The following MAP2K1 variants were observed in gnomAD, a reference collection of about 807,000 sequenced individuals.
MAP2K1 encodes the protein dual specificity mitogen-activated protein kinase kinase 1.
A neutral mutation model predicts 46.3 loss-of-function variants in MAP2K1; 16 were observed. That is an observed-to-expected ratio of 0.35 (90% CI 0.23 to 0.52). The LOEUF (loss-of-function observed/expected upper bound fraction) is 0.52. MAP2K1 is among the 20% of genes least tolerant of loss of function. MAP2K1 has a pLI of 0.94. For synonymous variants in MAP2K1, 183 were observed against 185.6 expected (o/e 0.99, Z 0.11); for missense variants, 263 against 497.1 (o/e 0.53, Z 4.48).
intron 5 of MAP2K1, among the ~76,000 whole-genome samples, chr15:66,458,462 T>C (rs565780609): frequency 1.1e-4 from 17 of 152,350 alleles, no homozygotes; most frequent in Non-Finnish European, 2.4e-4. Context: ...AATGAAACCA[T>C]GTGTAACCTA....
chr15:66,391,169 G>C (rs1300301861), intron 1 of MAP2K1, among the ~76,000 whole-genome samples: 1 of 151,752 alleles, frequency 6.6e-6, no homozygotes, highest in Non-Finnish European at 1.5e-5. Context: ...TGGGACTATA[G>C]GTGGGTACTA....
chr15:66,490,207 C>T, intron 10 of MAP2K1: 1 of 555,896 alleles, frequency 1.8e-6, no homozygotes, highest in Non-Finnish European at 3.2e-6. Context: ...CTAAGTCCAT[C>T]ATTTTCTTTG....
At chr15:66,484,936 G>C in intron 6 of MAP2K1, 54 bp from the exon 7 acceptor site, 1 of 1,440,622 alleles carries the variant, frequency 6.9e-7, no homozygotes, top group South Asian at 1.1e-5. Flanking sequence ...TGCATTAGCA[G>C]ACCCAGGGGT....
chr15:66,481,257 ATGC>A (rs912136385), intron 5 of MAP2K1, among the ~76,000 whole-genome samples: 2 of 152,070 alleles, frequency 1.3e-5, no homozygotes, highest in Non-Finnish European at 2.9e-5. Context: ...AAAGACCCAC[ATGC>A]TCCATGCCTG....
At chr15:66,488,732 T>C (rs1893137604) in intron 8 of MAP2K1, 1 of 168,862 alleles carries the variant, frequency 5.9e-6, no homozygotes, top group Admixed American at 5.7e-5. Flanking sequence ...ACCGGTTTGC[T>C]TCTGCAGGTG....
rs1595858487 is a variant in MAP2K1, at chr15:66,429,795, C to T, written c.81-5232C>T. Among the ~76,000 whole-genome samples, 4 of 151,772 alleles carry T rather than the reference C, an allele frequency of 2.6e-5. 1 individual carries two copies. The highest frequency in any genetic ancestry group is 2.6e-4 in the Admixed American group (4 of 15,206). Reference sequence around the variant, plus strand: ...CATTCTCCTTTCCTGTCTTACTACTCCTTATACGCCTAACTCTCAATCCTC... The same window carrying T: ...CATTCTCCTTTCCTGTCTTACTACTTCTTATACGCCTAACTCTCAATCCTC... On this transcript the variant is annotated intron_variant, in intron 1 of 10. Transcript: ENST00000307102.
intron 5 of MAP2K1, among the ~76,000 whole-genome samples, chr15:66,474,199 G>A (rs1432723388): frequency 6.6e-6 from 1 of 152,148 alleles, no homozygotes; most frequent in Non-Finnish European, 1.5e-5. Context: ...AACTTAAAAT[G>A]CAGTTTCTGG....
chr15:66,431,703 A>AT (rs1364266732), intron 1 of MAP2K1, among the ~76,000 whole-genome samples: 1 of 152,058 alleles, frequency 6.6e-6, no homozygotes, highest in Non-Finnish European at 1.5e-5. Flanking sequence ...TGTTGTTTTT[A>AT]TTTTTAAGTT....
At chr15:66,442,012 T>C (rs777599015) in intron 3 of MAP2K1, among the ~76,000 whole-genome samples, 2 of 152,178 alleles carry the variant, frequency 1.3e-5, no homozygotes. Context: ...CAGGTTAAAA[T>C]GTAGAACCCC....
chr15:66,403,994 T>G (rs11856510), intron 1 of MAP2K1, among the ~76,000 whole-genome samples: 8,965 of 152,220 alleles, frequency 0.059, 373 homozygotes, highest in Middle Eastern at 0.11. Context: ...AGATAGAAAT[T>G]CTACCAAAAT....
chr15:66,461,413 G>T (rs1413925704), intron 5 of MAP2K1, among the ~76,000 whole-genome samples: 2 of 151,794 alleles, frequency 1.3e-5, no homozygotes, highest in East Asian at 3.9e-4. Context: ...GGAGATGGAG[G>T]TTGCAGTGAG....
chr15:66,441,406 C>A (rs1349667161), intron 3 of MAP2K1, among the ~76,000 whole-genome samples: 1 of 152,120 alleles, frequency 6.6e-6, no homozygotes, highest in Non-Finnish European at 1.5e-5. Context: ...CACAGTGACT[C>A]ACACTTGTAA....
intron 1 of MAP2K1, among the ~76,000 whole-genome samples, chr15:66,433,940 C>T (rs2093480964): frequency 6.6e-6 from 1 of 152,210 alleles, no homozygotes; most frequent in Non-Finnish European, 1.5e-5. Flanking sequence ...GAGCAATGCC[C>T]ACAGCATGCT....
At chr15:66,391,464 A>G (rs982373730) in intron 1 of MAP2K1, among the ~76,000 whole-genome samples, 6 of 151,974 alleles carry the variant, frequency 3.9e-5, no homozygotes, top group Non-Finnish European at 8.8e-5. Context: ...AATTTTTTGT[A>G]TTTTTAGTAG....
chr15:66,417,763 CTG>C (rs1377313102), intron 1 of MAP2K1, among the ~76,000 whole-genome samples: 11 of 152,210 alleles, frequency 7.2e-5, no homozygotes, highest in African/African-American at 2.4e-4. Flanking sequence ...AAGGGTCCAG[CTG>C]TAACAAACAG....
chr15:66,445,414 C>A (rs565830949), intron 5 of MAP2K1, among the ~76,000 whole-genome samples: 2 of 152,090 alleles, frequency 1.3e-5, no homozygotes, highest in Non-Finnish European at 2.9e-5. Context: ...ACAAGAAGAA[C>A]AAAACACATT....
At chr15:66,458,040 A>G (rs1028693308) in intron 5 of MAP2K1, among the ~76,000 whole-genome samples, 1 of 152,130 alleles carries the variant, frequency 6.6e-6, no homozygotes, top group African/African-American at 2.4e-5. Flanking sequence ...GGAAAACATG[A>G]TAAGTGACGT....
intron 8 of MAP2K1, 196 bp from the exon 9 acceptor site, chr15:66,489,019 C>A: frequency 1.6e-6 from 1 of 631,146 alleles, no homozygotes. Context: ...TCAGTGGTTC[C>A]AACATGGTTA....
At chr15:66,465,568 G>A (rs978514917) in intron 5 of MAP2K1, among the ~76,000 whole-genome samples, 4 of 152,034 alleles carry the variant, frequency 2.6e-5, no homozygotes, top group African/African-American at 7.3e-5. Flanking sequence ...TTTCATTTCC[G>A]CCTTTTAGTT....
Sources: allele counts gnomAD v4.1 joint callset (sites outside exome capture counted in the v4.1 genomes callset), GRCh38; gene constraint gnomAD v4.1.1; transcripts MANE v1.5; gene names NCBI Gene and HGNC (gene_info 2026-07-23, HGNC 2026-07-21).